VPS54: variants seen among roughly 807,000 people sequenced by gnomAD.
The protein encoded by VPS54 is VPS54 subunit of GARP complex, also known as vacuolar protein sorting-associated protein 54.
A neutral mutation model predicts 121.5 loss-of-function variants in VPS54; 45 were observed. That is an observed-to-expected ratio of 0.37 (90% CI 0.29 to 0.47). The LOEUF (loss-of-function observed/expected upper bound fraction) is 0.47. Among genes scored for constraint, VPS54 ranks in the 20% least tolerant of loss-of-function variants. The pLI, the probability that VPS54 is intolerant of heterozygous loss-of-function variation, is 0.99. For missense variants in VPS54, 1,090 were observed against 1,131.4 expected (o/e 0.96, Z 0.52); for synonymous variants, 371 against 385.8 (o/e 0.96, Z 0.45).
chr2:64,002,168 T>A (rs1012056025), intron 1 of VPS54, among the ~76,000 whole-genome samples: 2 of 152,128 alleles, frequency 1.3e-5, no homozygotes, highest in African/African-American at 2.4e-5. Context: ...ACTCCTCCTA[T>A]CCCAAGCATA....
chr2:64,004,394 C>G lies in VPS54; in HGVS notation c.-21+14544G>C, dbSNP rs537138548. 9.2e-5 allele frequency among the ~76,000 whole-genome samples: 14 copies of G among 152,238 alleles called. No homozygotes were observed. The East Asian group carries it at 2.7e-3, about 29-fold the overall frequency. On this transcript the variant is annotated intron_variant, in intron 1 of 22. Coordinates refer to ENST00000272322, the MANE Select transcript of VPS54 (RefSeq NM_016516.3). ...ATATTCTCATGGCGCCTAAGTATTA[C>G]CTCACAGATTACTTAGCAACACAAA...
intron 4 of VPS54, 53 bp from the exon 5 acceptor site, chr2:63,969,044 TC>T: frequency 7.1e-7 from 1 of 1,412,568 alleles, no homozygotes. Context: ...TCATTTTAAC[TC>T]CGTAAAATAC....
At chr2:63,964,599 T>C (rs1009132609) in intron 6 of VPS54, among the ~76,000 whole-genome samples, 2 of 152,190 alleles carry the variant, frequency 1.3e-5, no homozygotes, top group Non-Finnish European at 2.9e-5. Flanking sequence ...TTTGTTCTTA[T>C]GCATGGAAAA....
At chr2:64,013,738 T>C (rs950960834) in intron 1 of VPS54, among the ~76,000 whole-genome samples, 1 of 148,748 alleles carries the variant, frequency 6.7e-6, no homozygotes, top group African/African-American at 2.5e-5. Context: ...ATATATATCA[T>C]ATATAATACC....
chr2:63,961,185 T>C (rs1319345678), intron 7 of VPS54, among the ~76,000 whole-genome samples: 2 of 152,364 alleles, frequency 1.3e-5, no homozygotes, highest in South Asian at 4.1e-4. Context: ...TGTCTGGTAC[T>C]TGACATGTAA....
intron 9 of VPS54, among the ~76,000 whole-genome samples, chr2:63,945,333 T>C (rs1037561401): frequency 3.0e-4 from 46 of 152,142 alleles, no homozygotes; most frequent in African/African-American, 1.1e-3. Flanking sequence ...AAGTGGGAGC[T>C]AAATGATGAG....
At chr2:63,943,918 G>A (rs188354389) in intron 10 of VPS54, among the ~76,000 whole-genome samples, 4 of 151,656 alleles carry the variant, frequency 2.6e-5, no homozygotes, top group African/African-American at 9.7e-5. Context: ...TTTTGGTAGA[G>A]ATGGGGTCTC....
chr2:64,017,625 C>G (rs1311460708), intron 1 of VPS54, among the ~76,000 whole-genome samples: 1 of 152,142 alleles, frequency 6.6e-6, no homozygotes, highest in African/African-American at 2.4e-5. Context: ...AACAACAAAA[C>G]AGTCTTTACG....
At chr2:63,979,385 A>AC (rs1317941242) in intron 3 of VPS54, among the ~76,000 whole-genome samples, 3 of 151,574 alleles carry the variant, frequency 2.0e-5, no homozygotes, top group Non-Finnish European at 4.4e-5. Flanking sequence ...GATTACAGGC[A>AC]CCTGCCATCA....
intron 11 of VPS54, among the ~76,000 whole-genome samples, chr2:63,938,821 G>C (rs907272074): frequency 1.3e-5 from 2 of 152,182 alleles, no homozygotes; most frequent in Non-Finnish European, 2.9e-5. Flanking sequence ...AAAGAGTTCT[G>C]TGGATGGATG....
chr2:63,946,117 G>A (rs934825220), intron 9 of VPS54, among the ~76,000 whole-genome samples: 2 of 152,000 alleles, frequency 1.3e-5, no homozygotes, highest in Non-Finnish European at 2.9e-5. Context: ...CTGCATTTGA[G>A]TTTTACATAA....
chr2:63,928,224 G>T (rs10199273), intron 12 of VPS54, among the ~76,000 whole-genome samples: 1 of 152,040 alleles, frequency 6.6e-6, no homozygotes, highest in East Asian at 1.9e-4. Context: ...GATTCACCAA[G>T]GGTGAAATGA....
At chr2:63,935,296 G>GC (rs1447147259) in intron 11 of VPS54, among the ~76,000 whole-genome samples, 10 of 152,098 alleles carry the variant, frequency 6.6e-5, no homozygotes, top group African/African-American at 9.7e-5. Context: ...TGAGTCAATA[G>GC]CCCATACAGT....
chr2:63,966,155 A>T (rs914419360), intron 5 of VPS54, among the ~76,000 whole-genome samples, 189 bp from the exon 6 acceptor site: 1 of 152,210 alleles, frequency 6.6e-6, no homozygotes, highest in Non-Finnish European at 1.5e-5. Flanking sequence ...ACCAAGCTTA[A>T]AATACTCATA....
At chr2:63,977,020 G>A (rs539087492) in intron 3 of VPS54, among the ~76,000 whole-genome samples, 288 of 151,748 alleles carry the variant, frequency 1.9e-3, no homozygotes, top group South Asian at 3.5e-3. Flanking sequence ...GTAGAGATGG[G>A]GTTTCATCAT....
chr2:63,999,478 T>C (rs1422582060), intron 1 of VPS54, among the ~76,000 whole-genome samples: 2 of 152,186 alleles, frequency 1.3e-5, no homozygotes, highest in East Asian at 3.9e-4. Context: ...TGGAGCTCCA[T>C]TGTATGTTGT....
chr2:63,918,895 T>C (rs369156326), intron 15 of VPS54, among the ~76,000 whole-genome samples: 1 of 152,046 alleles, frequency 6.6e-6, no homozygotes, highest in Non-Finnish European at 1.5e-5. Flanking sequence ...AATTTGACTA[T>C]CACTCCACTG....
chr2:64,002,957 A>G (rs1281406319), intron 1 of VPS54, among the ~76,000 whole-genome samples: 1 of 152,240 alleles, frequency 6.6e-6, no homozygotes, highest in Non-Finnish European at 1.5e-5. Flanking sequence ...TCACATAATT[A>G]TAAAAGTACA....
At chr2:63,996,474 T>C (rs1677597321) in intron 1 of VPS54, among the ~76,000 whole-genome samples, 2 of 152,154 alleles carry the variant, frequency 1.3e-5, no homozygotes, top group African/African-American at 4.8e-5. Flanking sequence ...TCGAACAATA[T>C]GAAATCTGGG....
Sources: allele counts gnomAD v4.1 joint callset (sites outside exome capture counted in the v4.1 genomes callset), GRCh38; gene constraint gnomAD v4.1.1; transcripts MANE v1.5; gene names NCBI Gene and HGNC (gene_info 2026-07-23, HGNC 2026-07-21).